The following SCML4 variants were observed in gnomAD, a reference collection of about 807,000 sequenced individuals.
SCML4 encodes Scm polycomb group protein like 4, also known as sex comb on midleg-like protein 4.
SCML4 carries 34 observed loss-of-function variants against 41.1 expected under a neutral mutation model. That is an observed-to-expected ratio of 0.83 (90% CI 0.63 to 1.10). The LOEUF is 1.10. Ranked by LOEUF, SCML4 falls within the 50% of genes least tolerant of loss-of-function variation. The probability of loss-of-function intolerance (pLI) is 0.00; values close to 1 mark genes in which losing one functional copy is unlikely to be tolerated. For synonymous variants in SCML4, 214 were observed against 220.9 expected (o/e 0.97, Z 0.28); for missense variants, 522 against 534.1 (o/e 0.98, Z 0.22).
the SCML4 span, among the ~76,000 whole-genome samples, chr6:107,839,272 T>C: frequency 6.8e-6 from 1 of 146,870 alleles, no homozygotes; most frequent in Non-Finnish European, 1.5e-5. Context: ...CCAGCCTGGG[T>C]GACAAAGACA....
intron 1 of SCML4, among the ~76,000 whole-genome samples, chr6:107,784,886 G>A (rs1304047851): frequency 1.3e-5 from 2 of 149,348 alleles, no homozygotes; most frequent in Admixed American, 6.6e-5. Context: ...CAGTGGTTTG[G>A]CTGAGCAGAC....
chr6:107,713,495 A>G (rs1389782981), intron 6 of SCML4, among the ~76,000 whole-genome samples: 1 of 152,240 alleles, frequency 6.6e-6, no homozygotes, highest in African/African-American at 2.4e-5. Flanking sequence ...AAACACACCG[A>G]GTGCAGCCAC....
intron 5 of SCML4, among the ~76,000 whole-genome samples, chr6:107,728,063 T>A (rs1776170168): frequency 6.6e-6 from 1 of 152,204 alleles, no homozygotes; most frequent in South Asian, 2.1e-4. Flanking sequence ...TATAAAGAGC[T>A]TATATATAAA....
At chr6:107,748,429 G>A (rs1395601269) in intron 3 of SCML4, among the ~76,000 whole-genome samples, 1 of 151,656 alleles carries the variant, frequency 6.6e-6, no homozygotes, top group East Asian at 1.9e-4. Context: ...ACCTGCTATA[G>A]TCTCAAGACA....
intron 5 of SCML4, among the ~76,000 whole-genome samples, chr6:107,730,368 G>C (rs9285394): frequency 0.81 from 122,670 of 152,070 alleles, 49,705 homozygotes; most frequent in Middle Eastern, 0.86. Context: ...ATACAAAATC[G>C]TTTTCCATCT....
At chr6:107,708,038 A>G in intron 6 of SCML4, 27 bp from the exon 7 acceptor site, 7 of 1,547,408 alleles carry the variant, frequency 4.5e-6, no homozygotes, top group Non-Finnish European at 6.1e-6. Flanking sequence ...GAGGGAGACC[A>G]TGAGCCAGTG....
intron 5 of SCML4, chr6:107,739,917 T>C (rs1171797387): frequency 2.8e-6 from 1 of 359,426 alleles, no homozygotes; most frequent in Admixed American, 3.8e-5. Context: ...CCATCGCTGC[T>C]TCCTCCACTT....
chr6:107,806,047 A>G (rs1385653536), intron 1 of SCML4, among the ~76,000 whole-genome samples: 1 of 152,200 alleles, frequency 6.6e-6, no homozygotes, highest in African/African-American at 2.4e-5. Flanking sequence ...ATTGAATAAG[A>G]TAGGATTTAC....
At chr6:107,823,330 C>A (rs1161023661) in intron 1 of SCML4, among the ~76,000 whole-genome samples, 1 of 152,228 alleles carries the variant, frequency 6.6e-6, no homozygotes, top group Non-Finnish European at 1.5e-5. Flanking sequence ...CAGCAGCCTG[C>A]ACCCTGGCCT....
chr6:107,789,031 C>T (rs533399757), intron 1 of SCML4, among the ~76,000 whole-genome samples: 3 of 152,330 alleles, frequency 2.0e-5, no homozygotes, highest in South Asian at 4.2e-4. Context: ...ACAGTCCCAG[C>T]GTTGCTCCAC....
chr6:107,757,605 A>G (rs9373971), intron 2 of SCML4, among the ~76,000 whole-genome samples: 22,318 of 152,182 alleles, frequency 0.15, 1,947 homozygotes, highest in Middle Eastern at 0.21. Context: ...CTGATTCTGA[A>G]GCTTAGTACT....
chr6:107,761,523 G>A lies in SCML4; in HGVS notation c.156+10649C>T, dbSNP rs974267521. ...GCAATCTCGGCTTACTGCAACCACT[G>A]CTTCCTGGGTTCAAGTGATTCTCCT... On this transcript the variant is annotated intron_variant, in intron 2 of 7. Transcript: ENST00000369020. Among the ~76,000 whole-genome samples the A allele has an allele frequency of 2.6e-5, 4 of 151,212 alleles. 1 individual carries two copies. The South Asian group carries it at 6.3e-4, about 24-fold the overall frequency.
chr6:107,755,716 AAC>A, intron 2 of SCML4: 1 of 899,864 alleles, frequency 1.1e-6, no homozygotes, highest in Non-Finnish European at 1.5e-6. Context: ...GACAAAATAA[AAC>A]ACAGTTCTGA....
the SCML4 span, among the ~76,000 whole-genome samples, chr6:107,840,548 A>G: frequency 6.6e-6 from 1 of 152,184 alleles, no homozygotes; most frequent in Non-Finnish European, 1.5e-5. Flanking sequence ...TAGTGTATGA[A>G]ACACACCCAA....
intron 5 of SCML4, among the ~76,000 whole-genome samples, chr6:107,732,675 G>A (rs533690626): frequency 2.0e-5 from 3 of 152,042 alleles, no homozygotes; most frequent in Non-Finnish European, 4.4e-5. Flanking sequence ...AGGAGAGCAG[G>A]TTCCATACCA....
At chr6:107,840,794 C>T in the SCML4 span, among the ~76,000 whole-genome samples, 14 of 152,010 alleles carry the variant, frequency 9.2e-5, no homozygotes, top group Non-Finnish European at 1.8e-4. Flanking sequence ...AAGGGAGGAG[C>T]CATCTGAACC....
At chr6:107,841,793 C>T in the SCML4 span, among the ~76,000 whole-genome samples, 2 of 152,164 alleles carry the variant, frequency 1.3e-5, no homozygotes, top group African/African-American at 4.8e-5. Flanking sequence ...AGGGCCCACA[C>T]CTCCAAGTCT....
intron 6 of SCML4, among the ~76,000 whole-genome samples, chr6:107,711,089 T>C (rs1774166700): frequency 1.7e-5 from 1 of 60,092 alleles, no homozygotes; most frequent in African/African-American, 6.6e-5. Context: ...ATGATCTTGT[T>C]CACAGCTCTG....
At chr6:107,781,669 C>CA (rs549589428) in intron 1 of SCML4, among the ~76,000 whole-genome samples, 2,496 of 95,744 alleles carry the variant, frequency 0.026, 47 homozygotes, top group East Asian at 0.14. Context: ...GACCCTGTCT[C>CA]AAAAAAAAAA....
Sources: gnomAD v4.1 joint callset for allele counts (sites outside exome capture counted in the v4.1 genomes callset) on GRCh38, gnomAD v4.1.1 for gene constraint, MANE v1.5 for transcripts, NCBI Gene and HGNC (gene_info 2026-07-23, HGNC 2026-07-21) for gene names.